Variants in PRKN observed in about 807,000 individuals in gnomAD.
PRKN encodes parkin RBR E3 ubiquitin protein ligase.
Under a neutral mutation model 59.5 loss-of-function variants are expected in PRKN, and 56 were observed. The observed-to-expected ratio is 0.94, with a 90% CI of 0.76 to 1.18. PRKN has a LOEUF of 1.18. PRKN is among the 50% of genes most tolerant of loss of function. The pLI is 0.00. For missense variants in PRKN, 657 were observed against 596.4 expected, an observed-to-expected ratio of 1.10 and a Z score of -1.06; for synonymous variants, 250 against 222.1, an observed-to-expected ratio of 1.13 and a Z score of -1.12.
chr6:162,516,826 A>T (rs1481622655), intron 1 of PRKN, among the ~76,000 whole-genome samples: 1 of 152,074 alleles, frequency 6.6e-6, no homozygotes, highest in East Asian at 1.9e-4. Flanking sequence ...AACATTCCTC[A>T]CTTGCATTCA....
rs527312266 is a variant in PRKN at position 161,538,214 on chromosome 6, G to C, written c.1083+10640C>G. 4.6e-5 allele frequency among the ~76,000 whole-genome samples: 7 copies of C among 152,160 alleles called. No homozygotes were observed. Among genetic ancestry groups the C allele is most frequent in the African/African-American group, 1.7e-4 (7 of 41,502 alleles). ...AGTGAGGCTTATCTGCTTCTGACTG[G>C]GTTCCTTCTCACTTGTACACTTCTT... On this transcript the variant is annotated intron_variant, in intron 9 of 11. Transcript: ENST00000366898. This position sits in a 1 kb window ranked among gnomAD's most constrained non-coding sequence, Gnocchi z 4.2.
At chr6:161,590,099 A>C (rs1781664323) in intron 7 of PRKN, among the ~76,000 whole-genome samples, 1 of 152,006 alleles carries the variant, frequency 6.6e-6, no homozygotes, top group Non-Finnish European at 1.5e-5. Context: ...TAGAGTATTA[A>C]ATTCTGAAAT....
intron 9 of PRKN, among the ~76,000 whole-genome samples, chr6:161,523,963 G>A (rs1255634746): frequency 6.6e-6 from 1 of 151,986 alleles, no homozygotes; most frequent in African/African-American, 2.4e-5. Flanking sequence ...CGTATCACTT[G>A]GGAAGTAAGA....
intron 7 of PRKN, among the ~76,000 whole-genome samples, chr6:161,774,382 G>GCGCGCGCA (rs71709903): frequency 7.6e-6 from 1 of 130,934 alleles, no homozygotes; most frequent in African/African-American, 2.9e-5. Context: ...TACTCCCTGA[G>GCGCGCGCA]CACACACACA....
At chr6:162,248,531 G>C (rs1779294089) in intron 3 of PRKN, among the ~76,000 whole-genome samples, 1 of 152,106 alleles carries the variant, frequency 6.6e-6, no homozygotes, top group Non-Finnish European at 1.5e-5. Context: ...TCAGAAAGGA[G>C]TGTGCCAGAT....
At chr6:161,740,761 A>G (rs1788152994) in intron 7 of PRKN, among the ~76,000 whole-genome samples, 2 of 152,208 alleles carry the variant, frequency 1.3e-5, no homozygotes, top group Non-Finnish European at 1.5e-5. Flanking sequence ...AAGACCTTTG[A>G]CTTGTTGGTC....
intron 2 of PRKN, among the ~76,000 whole-genome samples, chr6:162,364,979 C>CTTT (rs574680485): frequency 1.6e-5 from 2 of 126,808 alleles, no homozygotes; most frequent in African/African-American, 5.9e-5. Context: ...CTCTCTCTCT[C>CTTT]TTTTTTTTTT....
At chr6:161,843,461 C>T (rs1226678835) in intron 6 of PRKN, among the ~76,000 whole-genome samples, 2 of 152,240 alleles carry the variant, frequency 1.3e-5, no homozygotes, top group South Asian at 2.1e-4. Context: ...TAAAATTCTT[C>T]TGCTTATTTT....
chr6:161,757,886 T>TATATATATACAC (rs1416363617), intron 7 of PRKN, among the ~76,000 whole-genome samples: 6 of 116,232 alleles, frequency 5.2e-5, no homozygotes, highest in African/African-American at 2.2e-4. Flanking sequence ...TATATATATA[T>TATATATATACAC]ACACACACAC....
chr6:162,054,411 C>T (rs944404536), intron 4 of PRKN, among the ~76,000 whole-genome samples: 1 of 152,176 alleles, frequency 6.6e-6, no homozygotes, highest in Non-Finnish European at 1.5e-5. Context: ...CAAACCTGTT[C>T]GTTTTCCACT....
chr6:161,517,951 T>C (rs989334536), intron 9 of PRKN, among the ~76,000 whole-genome samples: 1 of 152,142 alleles, frequency 6.6e-6, no homozygotes, highest in African/African-American at 2.4e-5. Flanking sequence ...TGTGTATCCA[T>C]AACTATTTCA....
rs11400095 is a variant in PRKN at position 161,391,436 on chromosome 6, G to GT, written c.1084-4560dup. On this transcript the variant is annotated intron_variant, in intron 9 of 11. Transcript: ENST00000366898. The surrounding 1 kb of genome is among the most constrained non-coding windows in gnomAD (Gnocchi z 4.9). ...AAATGTGATCCATTTCCGTAGAGTT[G>GT]TTTTTTTTTTTCGAGAAATTTTAAA... is the stretch of plus-strand genomic sequence containing the variant. 0.099 allele frequency among the ~76,000 whole-genome samples: 14,144 copies of GT among 143,478 alleles called. 763 individuals carry two copies. Among genetic ancestry groups the GT allele is most frequent in the Admixed American group, 0.13 (1,819 of 14,462 alleles). 94.1% of individuals were successfully genotyped at this position (143,478 alleles called of 152,430 possible). A position where few individuals can be genotyped will look rare whatever the true frequency, so the allele number is the denominator to read the frequency against.
intron 4 of PRKN, among the ~76,000 whole-genome samples, chr6:162,116,592 T>A (rs887575458): frequency 6.6e-6 from 1 of 152,238 alleles, no homozygotes; most frequent in African/African-American, 2.4e-5. Flanking sequence ...TGTATACGTT[T>A]ACGCTGCACA....
At position 161,371,167 on chromosome 6, in the gene PRKN, GTTA is replaced by G. The variant is rs1202341228; in HGVS notation, c.1168-10965_1168-10963del. The stretch of plus-strand genomic sequence containing the variant: ...ATATGTATATATTTAAATGTATTTT[GTTA>G]TTTTTTTTTTTGAGACGTTGTTTCG... On this transcript the variant is annotated intron_variant, in intron 10 of 11. Transcript: ENST00000366898. This position sits in a 1 kb window ranked among gnomAD's most constrained non-coding sequence, Gnocchi z 5.5. 1.4e-5 allele frequency among the ~76,000 whole-genome samples: 2 copies of G among 139,716 alleles called. No homozygotes were observed. Among genetic ancestry groups the G allele is most frequent in the South Asian group, 2.3e-4 (1 of 4,320 alleles). 91.7% of individuals were successfully genotyped at this position (139,716 alleles called of 152,430 possible).
intron 5 of PRKN, among the ~76,000 whole-genome samples, chr6:162,000,579 A>AT (rs1242966374): frequency 6.6e-6 from 1 of 151,488 alleles, no homozygotes; most frequent in Non-Finnish European, 1.5e-5. Flanking sequence ...GTCTATTTAA[A>AT]TTTTTTCTCC....
Position 162,114,726 on chromosome 6 carries a change from C to CA in PRKN, c.535-60553dup, listed in dbSNP as rs1173979033. ...TCTCAAAAGAAGACATTTATGCAGC[C>CA]AAAAAACACATGAAAAAATGCTCAC... On this transcript the variant is annotated intron_variant, in intron 4 of 11. Coordinates refer to ENST00000366898, the MANE Select transcript of PRKN (RefSeq NM_004562.3). 1.1e-3 allele frequency among the ~76,000 whole-genome samples: 162 copies of CA among 149,394 alleles called. 1 individual carries two copies. The highest frequency in any genetic ancestry group is 3.8e-3 in the African/African-American group (154 of 40,022).
chr6:162,705,796 G>C lies in PRKN; in HGVS notation c.7+21866C>G, dbSNP rs558515906. Among the ~76,000 whole-genome samples the C allele has an allele frequency of 8.8e-4, 134 of 152,290 alleles. 1 individual carries two copies. The South Asian group carries it at 0.026, about 29-fold the overall frequency. The stretch of plus-strand genomic sequence containing the variant: ...TGTAGGAAGGTAATTATCAGGGCTA[G>C]AGGGATAGTTCCTGCTGTTTCCTAT... On this transcript the variant is annotated intron_variant, in intron 1 of 11. Coordinates refer to ENST00000366898, the MANE Select transcript of PRKN (RefSeq NM_004562.3).
chr6:162,723,198 G>A (rs1388241259), intron 1 of PRKN, among the ~76,000 whole-genome samples: 1 of 152,306 alleles, frequency 6.6e-6, no homozygotes, highest in South Asian at 2.1e-4. Context: ...CTGGCACCTA[G>A]AGCAGTTAAG....
At chr6:162,542,450 T>A (rs893720276) in intron 1 of PRKN, among the ~76,000 whole-genome samples, 2 of 152,126 alleles carry the variant, frequency 1.3e-5, no homozygotes, top group African/African-American at 4.8e-5. Context: ...AATATACTGC[T>A]CCTTAAATCT....
Sources: gnomAD v4.1 joint callset for allele counts (sites outside exome capture counted in the v4.1 genomes callset) on GRCh38, gnomAD v4.1.1 for gene constraint, Gnocchi (gnomAD v3.1) non-coding constraint, MANE v1.5 for transcripts, NCBI Gene and HGNC (gene_info 2026-07-23, HGNC 2026-07-21) for gene names.